Variants in TMEM214 observed in about 807,000 individuals in gnomAD.
The protein encoded by TMEM214 is transmembrane protein 214.
Under a neutral mutation model 89.8 loss-of-function variants are expected in TMEM214, and 71 were observed. That is an observed-to-expected ratio of 0.79 (90% CI 0.65 to 0.96). The LOEUF is 0.96. Ranked by LOEUF, TMEM214 falls within the 40% of genes least tolerant of loss-of-function variation. TMEM214 has a pLI of 0.00. For synonymous variants in TMEM214, 332 were observed against 349.5 expected (o/e 0.95, Z 0.56); for missense variants, 754 against 843.4 (o/e 0.89, Z 1.31).
At chr2:27,039,616 T>C in intron 13 of TMEM214, 125 bp from the exon 14 acceptor site, 2 of 843,792 alleles carry the variant, frequency 2.4e-6, no homozygotes, top group Non-Finnish European at 4.0e-6. Flanking sequence ...GCTGGCTTTG[T>C]GGCCCTGTGA....
At position 27,040,000 on chromosome 2, in the gene TMEM214, G is replaced by T. The variant is rs199826283; in HGVS notation, c.1623-30G>T. 4.5e-4 allele frequency: 726 copies of T among 1,597,062 alleles called. No individual in the cohort carries two copies. The African/African-American group carries it at 8.5e-3, about 19-fold the overall frequency. Reference sequence around the variant, plus strand: ...CTAAGTGGGCCTGAGGAGACTCAGAGCCCTCTTCCCCCACTTCCATCTTCC... The same window carrying T: ...CTAAGTGGGCCTGAGGAGACTCAGATCCCTCTTCCCCCACTTCCATCTTCC... On this transcript the variant is annotated intron_variant, in intron 14 of 16. Transcript: ENST00000238788.
At chr2:27,039,637 C>T in intron 13 of TMEM214, 104 bp from the exon 14 acceptor site, 1 of 1,012,924 alleles carries the variant, frequency 9.9e-7, no homozygotes, top group South Asian at 1.3e-5. Context: ...GAACACAAAG[C>T]TCTGCCCAGC....
chr2:27,036,419 C>T lies in TMEM214; in HGVS notation c.721-68C>T, dbSNP rs1209517712. ...CTTCCAGTTGACATCTCCCTTCCCT[C>T]CTGGCTTTGGGGGGTGCTCCTGGTG... On this transcript the variant is annotated intron_variant, in intron 5 of 16. Transcript: ENST00000238788. 5 of 1,328,056 alleles carry T rather than the reference C, an allele frequency of 3.8e-6. No individual in the cohort carries two copies. In the South Asian group the frequency reaches 5.9e-5, roughly 16 times the overall value. 82.3% of individuals were successfully genotyped at this position (1,328,056 alleles called of 1,614,324 possible). A position where few individuals can be genotyped will look rare whatever the true frequency, so the allele number is the denominator to read the frequency against.
chr2:27,036,758 G>A lies in TMEM214; in HGVS notation c.880G>A (p.Ala294Thr), dbSNP rs1667585006. Residue 294 changes from alanine to threonine, a missense_variant, in exon 7 of 17, where the codon GCC (alanine) becomes ACC (threonine). Ala to Thr is a moderately conservative substitution (Grantham distance 58, BLOSUM62 0). Coordinates refer to ENST00000238788, the MANE Select transcript of TMEM214 (RefSeq NM_017727.5). ...VLGIKSLSPF[A>T]ITYLDRLLLM... The stretch of plus-strand genomic sequence containing the variant: ...GGGCATCAAGTCTCTGTCTCCCTTT[G>A]CCATCACATACCTGGATCGGCTGCT... 1 of 1,614,120 alleles carries A rather than the reference G, an allele frequency of 6.2e-7. No homozygotes were observed. Among genetic ancestry groups the A allele is most frequent in the Non-Finnish European group, 8.5e-7 (1 of 1,180,036 alleles).
chr2:27,040,600 G>T, intron 16 of TMEM214, 104 bp downstream of exon 16: 1 of 1,582,070 alleles, frequency 6.3e-7, no homozygotes, highest in East Asian at 2.2e-5. Context: ...CCTGCCCCTC[G>T]CTCCCATTCC....
intron 8 of TMEM214, 127 bp downstream of exon 8, chr2:27,037,305 G>A (rs764157054): frequency 2.7e-5 from 24 of 899,398 alleles, no homozygotes; most frequent in Non-Finnish European, 4.0e-5. Context: ...TCAAGAGTAG[G>A]TTTCAAGGGA....
Position 27,033,157 on chromosome 2 carries a change from G to T in TMEM214, c.142G>T (p.Asp48Tyr). Residue 48 changes from aspartate to tyrosine, a missense_variant, in exon 1 of 17, where the codon GAC (aspartate) becomes TAC (tyrosine). Transcript: ENST00000238788. ...GGAAGCAAACGGAGTGTGGAAATAC[G>T]ACCTGACCCGTGAGTACCCGCCCTG... The part of the protein sequence containing the change: ...LGEANGVWKY[D>Y]LTPAIQTTST... 1.6e-6 allele frequency: 2 copies of T among 1,239,672 alleles called. No homozygotes were observed. Among genetic ancestry groups the T allele is most frequent in the South Asian group, 8.2e-5 (2 of 24,296 alleles). The allele number at this position is 1,239,672 out of a possible 1,614,324, so 76.8% of individuals were successfully genotyped here. A position where few individuals can be genotyped will look rare whatever the true frequency, so the allele number is the denominator to read the frequency against.
At chr2:27,034,332 G>C in intron 2 of TMEM214, 66 bp downstream of exon 2, 4 of 1,548,826 alleles carry the variant, frequency 2.6e-6, no homozygotes, top group Non-Finnish European at 3.5e-6. Flanking sequence ...GATGAGAGGA[G>C]GGGGAGGTGG....
At chr2:27,034,013 G>A in intron 1 of TMEM214, 54 bp from the exon 2 acceptor site, 1 of 1,582,196 alleles carries the variant, frequency 6.3e-7, no homozygotes, top group Non-Finnish European at 8.7e-7. Flanking sequence ...ACTGATAGGT[G>A]AGGCCTTGGG....
chr2:27,040,173 A>T lies in TMEM214; in HGVS notation c.1766A>T (p.Asp589Val). Reference protein sequence around the residue: ...HCASHLAWFGDSLTSLSQRLQ... With the variant: ...HCASHLAWFGVSLTSLSQRLQ... ...GCCTCTCACCTTGCGTGGTTTGGTG[A>T]CAGTCTCACCAGTCTCTCTCAGAGG... The change falls in exon 15 of 17, where the codon GAC becomes GTC. Residue 589 changes from aspartate (D) to valine (V), a missense_variant. Transcript: ENST00000238788. 1.9e-6 allele frequency: 3 copies of T among 1,606,448 alleles called. No individual in the cohort carries two copies. The South Asian group carries it at 3.3e-5, about 18-fold the overall frequency.
At chr2:27,037,752 G>GCGGT in intron 9 of TMEM214, 50 bp downstream of exon 9, 1 of 1,614,084 alleles carries the variant, frequency 6.2e-7, no homozygotes, top group Non-Finnish European at 8.5e-7. Context: ...GTCAGCTGTA[G>GCGGT]CGGTCCCTAT....
At position 27,039,784 on chromosome 2, in the gene TMEM214, T is replaced by G. The variant is rs773963044; in HGVS notation, c.1569T>G (p.Pro523=). 40 of 1,614,102 alleles carry G rather than the reference T, an allele frequency of 2.5e-5. No homozygotes were observed. ...GRLLRSSGFL[P]ASQQACAKLY... is the part of the protein sequence containing the mutation. ...TGCTTCGATCATCTGGCTTCTTACC[T>G]GCTAGCCAACAAGCGTGTGCCAAGC... Residue 523 remains proline, a synonymous_variant, in exon 14 of 17, where the codon CCT becomes CCG. Transcript: ENST00000238788.
chr2:27,039,273 C>T lies in TMEM214; in HGVS notation c.1525+109C>T, dbSNP rs896331465. On this transcript the variant is annotated intron_variant, in intron 13 of 16. Coordinates refer to ENST00000238788, the MANE Select transcript of TMEM214 (RefSeq NM_017727.5). ...ACACATCTTTGTCCTGACGAGTTCT[C>T]AATCCTGCAGAGTAAACACTTTACA... 4 of 917,248 alleles carry T rather than the reference C, an allele frequency of 4.4e-6. No homozygotes were observed. The South Asian group carries it at 4.5e-5, about 10-fold the overall frequency. The allele number at this position is 917,248 out of a possible 1,614,324, so 56.8% of individuals were successfully genotyped here.
In TMEM214 at chr2:27,039,117, C is replaced by T; in HGVS notation, c.1478C>T (p.Ala493Val). ...CTCCTCCTGTTGCTGCTGGTCTTCGCTGTAGGCTTCCTGTGCCATGACCTC... is the reference window on the plus strand; with the variant it reads ...CTCCTCCTGTTGCTGCTGGTCTTCGTTGTAGGCTTCCTGTGCCATGACCTC... ...TRLLLLLLVF[A>V]VGFLCHDLRS... Residue 493 changes from alanine to valine, a missense_variant, in exon 13 of 17, where the codon GCT (alanine) becomes GTT (valine). Physicochemically the swap from Ala to Val is moderately conservative, Grantham distance 64. Transcript: ENST00000238788. The T allele has an allele frequency of 1.2e-6, 2 of 1,613,950 alleles. No homozygotes were observed. Among genetic ancestry groups the T allele is most frequent in the South Asian group, 1.1e-5 (1 of 91,088 alleles).
In TMEM214 at chr2:27,035,707, C is replaced by T; in HGVS notation, c.616C>T (p.Gln206Ter). The change falls in exon 4 of 17, where the codon CAA becomes TAA. Residue 206 changes from glutamine to a stop codon, truncating the protein, a stop_gained. Coordinates refer to ENST00000238788, the MANE Select transcript of TMEM214 (RefSeq NM_017727.5). LOFTEE classifies it high-confidence loss of function. ...FFDHCLFTMLQELDKTPGESL... is the reference protein window; with the variant it reads ...FFDHCLFTML ...TGACCACTGTCTGTTCACCATGTTGCAAGAGCTGGATAAGACACCAGGTGA... is the reference window on the plus strand; with the variant it reads ...TGACCACTGTCTGTTCACCATGTTGTAAGAGCTGGATAAGACACCAGGTGA... The T allele has an allele frequency of 6.2e-7, 1 of 1,614,222 alleles. No individual in the cohort carries two copies. Among genetic ancestry groups the T allele is most frequent in the Non-Finnish European group, 8.5e-7 (1 of 1,180,046 alleles).
chr2:27,035,069 C>A (rs1667490104), intron 2 of TMEM214, 66 bp from the exon 3 acceptor site: 2 of 1,592,344 alleles, frequency 1.3e-6, no homozygotes, highest in Admixed American at 3.4e-5. Flanking sequence ...CCCACCCCTA[C>A]CCCATTTCTT....
chr2:27,033,429 T>C (rs1156826847), intron 1 of TMEM214, among the ~76,000 whole-genome samples: 1 of 152,162 alleles, frequency 6.6e-6, no homozygotes, highest in Admixed American at 6.5e-5. Flanking sequence ...GTCCTCAGAC[T>C]CTCAGTTCAC....
At position 27,035,205 on chromosome 2, in the gene TMEM214, G is replaced by T; in HGVS notation, c.422G>T (p.Trp141Leu). Residue 141 changes from tryptophan (W) to leucine (L), a missense_variant, in exon 3 of 17, where the codon TGG becomes TTG. Coordinates refer to ENST00000238788, the MANE Select transcript of TMEM214 (RefSeq NM_017727.5). ...QSVFSGNPSIWLKDLASYLNY... is the reference protein window; with the variant it reads ...QSVFSGNPSILLKDLASYLNY... ...GTGTTCTCTGGAAACCCATCCATAT[G>T]GTTGAAGGACCTGGCCAGCTATCTC... 1.2e-6 allele frequency: 2 copies of T among 1,614,184 alleles called. No individual in the cohort carries two copies. Among genetic ancestry groups the T allele is most frequent in the Non-Finnish European group, 1.7e-6 (2 of 1,180,028 alleles).
At position 27,039,157 on chromosome 2, in the gene TMEM214, C is replaced by T. The variant is rs1667707741; in HGVS notation, c.1518C>T (p.Ser506=). Residue 506 remains serine, a synonymous_variant, in exon 13 of 17, where the codon TCC becomes TCT. Coordinates refer to ENST00000238788, the MANE Select transcript of TMEM214 (RefSeq NM_017727.5). The part of the protein sequence containing the change: ...FLCHDLRSHS[S]FQASLTGRLL... ...GCCATGACCTCCGGTCACACAGCTC[C>T]TTCCAGGGTAAGCAGCAATGGGCAA... is the stretch of plus-strand genomic sequence containing the variant. 4 of 1,613,630 alleles carry T rather than the reference C, an allele frequency of 2.5e-6. No individual in the cohort carries two copies. Among genetic ancestry groups the T allele is most frequent in the Non-Finnish European group, 3.4e-6 (4 of 1,179,958 alleles).
Sources: allele counts gnomAD v4.1 joint callset (sites outside exome capture counted in the v4.1 genomes callset), GRCh38; gene constraint gnomAD v4.1.1; transcripts MANE v1.5; gene names NCBI Gene and HGNC (gene_info 2026-07-23, HGNC 2026-07-21).